The following RBFOX1 variants were observed in gnomAD, a reference collection of about 807,000 sequenced individuals.
RBFOX1 encodes the protein RNA binding fox-1 homolog 1.
RBFOX1 carries 8 observed loss-of-function variants against 57.7 expected under a neutral mutation model. That is an observed-to-expected ratio of 0.14 (90% confidence interval 0.08 to 0.25). The LOEUF is 0.25. Among genes scored for constraint, RBFOX1 ranks in the 10% least tolerant of loss-of-function variants. RBFOX1 has a pLI of 1.00. For missense variants in RBFOX1, 611 were observed against 548.5 expected, an observed-to-expected ratio of 1.11 and a Z score of -1.14; for synonymous variants, 326 against 222.4, an observed-to-expected ratio of 1.47 and a Z score of -4.15.
chr16:7,085,288 C>T (rs1599045199), intron 4 of RBFOX1, among the ~76,000 whole-genome samples: 2 of 152,212 alleles, frequency 1.3e-5, no homozygotes, highest in East Asian at 3.9e-4. Flanking sequence ...AGAACAGCTG[C>T]CACTCAGCAC....
At chr16:5,881,252 G>C (rs1257959002) in intron 4 of RBFOX1, among the ~76,000 whole-genome samples, 1 of 152,192 alleles carries the variant, frequency 6.6e-6, no homozygotes, top group East Asian at 1.9e-4. Flanking sequence ...ATGAGTCCAA[G>C]CTCAAATTAT....
chr16:6,833,430 G>C (rs766801746), intron 3 of RBFOX1, among the ~76,000 whole-genome samples: 8 of 152,116 alleles, frequency 5.3e-5, no homozygotes, highest in Non-Finnish European at 1.0e-4. Flanking sequence ...GCTTCCCAAA[G>C]TGTTGGGGTT....
chr16:5,662,696 G>C (rs74004462), intron 3 of RBFOX1, among the ~76,000 whole-genome samples: 5,804 of 152,264 alleles, frequency 0.038, 371 homozygotes, highest in African/African-American at 0.13. Context: ...TTTTTTGAAT[G>C]TTTCTAATAA....
At chr16:6,521,413 C>A (rs986694520) in intron 2 of RBFOX1, among the ~76,000 whole-genome samples, 1 of 151,202 alleles carries the variant, frequency 6.6e-6, no homozygotes, top group African/African-American at 2.4e-5. Flanking sequence ...TTCCTCATTT[C>A]TTTTTTCTCT....
intron 3 of RBFOX1, among the ~76,000 whole-genome samples, chr16:5,681,025 G>A (rs1407976057): frequency 4.0e-5 from 6 of 151,798 alleles, no homozygotes; most frequent in Non-Finnish European, 2.9e-5. Flanking sequence ...GAGTTTCTAG[G>A]GAGAATCTCT....
In RBFOX1 at chr16:6,301,573, C is replaced by G. The variant is rs189854676; in HGVS notation, c.-126-15422C>G. Among the ~76,000 whole-genome samples the G allele has an allele frequency of 3.8e-3, 573 of 152,056 alleles. 6 individuals are homozygous for G. Among genetic ancestry groups the G allele is most frequent in the Non-Finnish European group, 3.6e-3 (247 of 67,986 alleles). Reference sequence around the variant, plus strand: ...AGATTTTCAAATGAAAAAAATATTACAGAAAACGTTTAGGGAAGGCTACCC... The same window carrying G: ...AGATTTTCAAATGAAAAAAATATTAGAGAAAACGTTTAGGGAAGGCTACCC... On this transcript the variant is annotated intron_variant, in intron 1 of 15. Coordinates refer to ENST00000550418, the MANE Select transcript of RBFOX1 (RefSeq NM_018723.4).
intron 3 of RBFOX1, among the ~76,000 whole-genome samples, chr16:6,792,588 C>T (rs1456182481): frequency 6.6e-6 from 1 of 152,306 alleles, no homozygotes; most frequent in Admixed American, 6.5e-5. Context: ...ACTGTGCCTC[C>T]TACTACGAAG....
At chr16:5,616,213 A>T (rs1160430591) in intron 3 of RBFOX1, 4 of 152,238 alleles carry the variant, frequency 2.6e-5, no homozygotes. Flanking sequence ...CTGTGAAAGG[A>T]CCTTCGGCTT....
intron 5 of RBFOX1, among the ~76,000 whole-genome samples, chr16:7,538,830 A>C (rs2082161577): frequency 6.6e-6 from 1 of 151,992 alleles, no homozygotes; most frequent in South Asian, 2.1e-4. Flanking sequence ...TTGTCTGTAC[A>C]ACACATCTCC....
intron 3 of RBFOX1, among the ~76,000 whole-genome samples, chr16:6,705,973 G>C (rs2062666475): frequency 6.6e-6 from 1 of 152,102 alleles, no homozygotes; most frequent in Non-Finnish European, 1.5e-5. Context: ...AGTTAAGATG[G>C]TGCCACTGAA....
chr16:6,997,499 C>G (rs1450445187), intron 3 of RBFOX1, among the ~76,000 whole-genome samples: 1 of 152,112 alleles, frequency 6.6e-6, no homozygotes, highest in Non-Finnish European at 1.5e-5. Context: ...TAATTTGTAT[C>G]TTTTAATTGT....
intron 11 of RBFOX1, among the ~76,000 whole-genome samples, chr16:7,631,761 T>G (rs1252330625): frequency 6.6e-6 from 1 of 152,118 alleles, no homozygotes; most frequent in Non-Finnish European, 1.5e-5. Context: ...CCAAACATCT[T>G]CGTTTCCTAA....
At chr16:5,384,698 A>G (rs1257767590) in intron 1 of RBFOX1, among the ~76,000 whole-genome samples, 6 of 152,232 alleles carry the variant, frequency 3.9e-5, no homozygotes, top group Non-Finnish European at 2.9e-5. Flanking sequence ...ACAGGAAAAT[A>G]GCTTCAGGAG....
intron 5 of RBFOX1, among the ~76,000 whole-genome samples, chr16:7,553,776 T>C (rs973112620): frequency 6.6e-6 from 1 of 152,212 alleles, no homozygotes; most frequent in African/African-American, 2.4e-5. Flanking sequence ...CCAATTTTGA[T>C]GAACTCATAA....
At position 7,166,004 on chromosome 16, in the gene RBFOX1, A is replaced by G. The variant is rs140391575; in HGVS notation, c.27+113906A>G. On this transcript the variant is annotated intron_variant, in intron 4 of 15. Transcript: ENST00000550418. ...CCCCAGATTTCCTTTGAAGGAGTGC[A>G]TAGTCTATTTTTGTTGTTGTTGTTG... 1.7e-4 allele frequency among the ~76,000 whole-genome samples: 25 copies of G among 151,160 alleles called. No individual in the cohort carries two copies. The East Asian group carries it at 3.9e-3, about 24-fold the overall frequency.
intron 1 of RBFOX1, among the ~76,000 whole-genome samples, chr16:5,306,498 T>C (rs1747954218): frequency 1.3e-5 from 2 of 152,100 alleles, no homozygotes; most frequent in African/African-American, 4.8e-5. Flanking sequence ...TTTTGTATTT[T>C]TAGTAGAGAC....
intron 3 of RBFOX1, among the ~76,000 whole-genome samples, chr16:7,018,426 T>C (rs1249684439): frequency 6.6e-6 from 1 of 152,196 alleles, no homozygotes; most frequent in Non-Finnish European, 1.5e-5. Context: ...TTCATGAATA[T>C]TGTCTTAATT....
intron 3 of RBFOX1, among the ~76,000 whole-genome samples, chr16:6,835,131 G>C (rs929053807): frequency 1.3e-5 from 2 of 151,970 alleles, no homozygotes; most frequent in African/African-American, 2.4e-5. Context: ...TCAATCTCCT[G>C]ACCCTGTGAT....
At chr16:7,075,732 C>T (rs1273293382) in intron 4 of RBFOX1, among the ~76,000 whole-genome samples, 1 of 152,104 alleles carries the variant, frequency 6.6e-6, no homozygotes, top group Non-Finnish European at 1.5e-5. Context: ...AGGTGCCTGC[C>T]ACCACGCTCG....
Sources: allele counts gnomAD v4.1 joint callset (sites outside exome capture counted in the v4.1 genomes callset), GRCh38; gene constraint gnomAD v4.1.1; transcripts MANE v1.5; gene names NCBI Gene and HGNC (gene_info 2026-07-23, HGNC 2026-07-21).